The following UVRAG variants were observed in gnomAD, a reference collection of about 807,000 sequenced individuals.
UVRAG encodes UV radiation resistance-associated gene protein.
Under a neutral mutation model 78.0 loss-of-function variants are expected in UVRAG, and 19 were observed. That is an observed-to-expected ratio of 0.24 (90% CI 0.17 to 0.36). The LOEUF is 0.36. Ranked by LOEUF, UVRAG falls within the 10% of genes least tolerant of loss-of-function variation. The probability of loss-of-function intolerance (pLI) is 1.00; values close to 1 mark genes in which losing one functional copy is unlikely to be tolerated. For synonymous variants in UVRAG, 323 were observed against 324.6 expected (o/e 1.00, Z 0.05); for missense variants, 740 against 853.8 (o/e 0.87, Z 1.66).
In UVRAG at chr11:75,950,362, G is replaced by A. The variant is rs192830019; in HGVS notation, c.594-11082G>A. Among the ~76,000 whole-genome samples the A allele has an allele frequency of 1.5e-3, 233 of 152,184 alleles. 1 individual carries two copies. The highest frequency in any genetic ancestry group is 2.3e-3 in the Non-Finnish European group (153 of 67,998). ...GTAACCTCAAGCTCCTGAACTCAAG[G>A]GATTCTCCCTTCAGCCTCCCACGTA... On this transcript the variant is annotated intron_variant, in intron 6 of 14. Coordinates refer to ENST00000356136, the MANE Select transcript of UVRAG (RefSeq NM_003369.4).
intron 6 of UVRAG, among the ~76,000 whole-genome samples, chr11:75,945,030 T>G (rs1471672959): frequency 6.6e-6 from 1 of 152,200 alleles, no homozygotes; most frequent in Non-Finnish European, 1.5e-5. Context: ...CAGTCTTTTC[T>G]GGTTTACAAA....
At chr11:76,091,097 G>T (rs1172545323) in intron 13 of UVRAG, among the ~76,000 whole-genome samples, 1 of 152,146 alleles carries the variant, frequency 6.6e-6, no homozygotes, top group Non-Finnish European at 1.5e-5. Context: ...TTGAGACCTT[G>T]TAAATCTGAA....
At chr11:75,976,815 C>A (rs1949252486) in intron 7 of UVRAG, among the ~76,000 whole-genome samples, 1 of 152,104 alleles carries the variant, frequency 6.6e-6, no homozygotes, top group South Asian at 2.1e-4. Context: ...TTTCAAAAAA[C>A]CAGCTCCTGG....
chr11:76,011,772 G>A (rs569176121), intron 11 of UVRAG, among the ~76,000 whole-genome samples: 1 of 152,322 alleles, frequency 6.6e-6, no homozygotes, highest in South Asian at 2.1e-4. Flanking sequence ...GCCTCAGTGA[G>A]ATTATAGTCC....
chr11:76,001,684 C>G (rs1949817497), intron 8 of UVRAG, among the ~76,000 whole-genome samples: 1 of 152,144 alleles, frequency 6.6e-6, no homozygotes, highest in South Asian at 2.1e-4. Flanking sequence ...CAGCATCTCA[C>G]AAGGACTTTA....
At chr11:75,856,246 G>A (rs1057160422) in intron 2 of UVRAG, among the ~76,000 whole-genome samples, 3 of 152,016 alleles carry the variant, frequency 2.0e-5, no homozygotes, top group Non-Finnish European at 2.9e-5. Flanking sequence ...CTCGTGATCC[G>A]CCTGCCTCGG....
chr11:76,113,959 T>TTTC (rs1416882223), intron 13 of UVRAG, among the ~76,000 whole-genome samples: 1 of 152,174 alleles, frequency 6.6e-6, no homozygotes, highest in Non-Finnish European at 1.5e-5. Context: ...GGAGAGAAAT[T>TTTC]TTCACTGTGG....
chr11:76,019,371 A>T (rs927868824), intron 12 of UVRAG, among the ~76,000 whole-genome samples: 3 of 152,164 alleles, frequency 2.0e-5, no homozygotes, highest in African/African-American at 7.2e-5. Context: ...TGGGGAGGTC[A>T]TGTTTTCCTT....
At chr11:75,834,931 G>A (rs753217656) in intron 1 of UVRAG, among the ~76,000 whole-genome samples, 1 of 152,136 alleles carries the variant, frequency 6.6e-6, no homozygotes, top group Non-Finnish European at 1.5e-5. Context: ...TCCCTCCTCA[G>A]CCTCTTAAAT....
intron 1 of UVRAG, among the ~76,000 whole-genome samples, chr11:75,816,330 G>A (rs1945263012): frequency 6.6e-6 from 1 of 152,198 alleles, no homozygotes; most frequent in African/African-American, 2.4e-5. Flanking sequence ...TATCTGTAGA[G>A]TACTTCCCTC....
intron 12 of UVRAG, among the ~76,000 whole-genome samples, chr11:76,060,667 C>T (rs1003033878): frequency 4.6e-5 from 7 of 152,326 alleles, no homozygotes; most frequent in African/African-American, 9.6e-5. Context: ...AGTGGCCGGC[C>T]GGCCCTGCTG....
At chr11:76,003,288 T>TTTTTTTTTTTTG (rs1491521163) in intron 8 of UVRAG, among the ~76,000 whole-genome samples, 15 of 62,550 alleles carry the variant, frequency 2.4e-4, no homozygotes, top group African/African-American at 9.1e-4. Context: ...TTTTTTTTTT[T>TTTTTTTTTTTTG]GGAGACAGAG....
At chr11:76,077,110 A>G (rs1043983849) in intron 13 of UVRAG, among the ~76,000 whole-genome samples, 4 of 148,782 alleles carry the variant, frequency 2.7e-5, no homozygotes, top group African/African-American at 9.8e-5. Flanking sequence ...TAAACAACTC[A>G]TTTCTGTTTA....
chr11:75,992,374 G>A (rs1949624486), intron 8 of UVRAG, among the ~76,000 whole-genome samples: 1 of 152,170 alleles, frequency 6.6e-6, no homozygotes, highest in African/African-American at 2.4e-5. Flanking sequence ...CACTGAGTTT[G>A]TACTTGAAGT....
chr11:75,845,326 G>C (rs1310129479), intron 1 of UVRAG, among the ~76,000 whole-genome samples: 1 of 152,190 alleles, frequency 6.6e-6, no homozygotes. Context: ...TGCACAAAGA[G>C]CATTTTATAA....
At chr11:76,060,629 G>C (rs1226968097) in intron 12 of UVRAG, among the ~76,000 whole-genome samples, 2 of 152,238 alleles carry the variant, frequency 1.3e-5, no homozygotes, top group Non-Finnish European at 2.9e-5. Context: ...GTTCCGGGTG[G>C]GCGTGGGTTT....
intron 12 of UVRAG, among the ~76,000 whole-genome samples, chr11:76,020,431 T>G (rs923043532): frequency 6.6e-6 from 1 of 152,050 alleles, no homozygotes; most frequent in Non-Finnish European, 1.5e-5. Context: ...GCCCAAGGGC[T>G]TTTTGGTCAC....
chr11:75,843,930 G>A (rs2135846288), intron 1 of UVRAG, among the ~76,000 whole-genome samples: 1 of 148,678 alleles, frequency 6.7e-6, no homozygotes, highest in South Asian at 2.1e-4. Context: ...CTGCACTCCA[G>A]CCTGGGTGAC....
intron 7 of UVRAG, among the ~76,000 whole-genome samples, chr11:75,969,425 C>A (rs1000594784): frequency 6.6e-6 from 1 of 152,110 alleles, no homozygotes; most frequent in African/African-American, 2.4e-5. Flanking sequence ...CGTCTTAGAA[C>A]CTTGTGGACT....
Sources: gnomAD v4.1 joint callset for allele counts (sites outside exome capture counted in the v4.1 genomes callset) on GRCh38, gnomAD v4.1.1 for gene constraint, MANE v1.5 for transcripts, NCBI Gene and HGNC (gene_info 2026-07-23, HGNC 2026-07-21) for gene names.